Variants in VDAC1 observed in about 807,000 individuals in gnomAD.
The protein encoded by VDAC1 is voltage dependent anion channel 1.
VDAC1 carries 10 observed loss-of-function variants against 34.7 expected under a neutral mutation model. The ratio of observed to expected loss-of-function variants is 0.29; its 90% CI spans 0.18 to 0.49. The LOEUF is 0.49. Ranked by LOEUF, VDAC1 falls within the 20% of genes least tolerant of loss-of-function variation. VDAC1 has a pLI of 0.99. For synonymous variants in VDAC1, 130 were observed against 136.0 expected (o/e 0.96, Z 0.30); for missense variants, 230 against 347.9 (o/e 0.66, Z 2.69).
the VDAC1 span, among the ~76,000 whole-genome samples, chr5:134,099,713 T>A: frequency 6.6e-6 from 1 of 152,232 alleles, no homozygotes; most frequent in African/African-American, 2.4e-5. Context: ...CCCAAGTAGC[T>A]GGACTACAGG....
upstream of VDAC1, among the ~76,000 whole-genome samples, chr5:134,005,999 GA>G (rs954132801): frequency 3.9e-5 from 6 of 152,294 alleles, no homozygotes; most frequent in Admixed American, 1.3e-4. Flanking sequence ...TGGCTGCTGG[GA>G]AAAGGCGGCA....
At chr5:134,023,453 T>C in the VDAC1 span, among the ~76,000 whole-genome samples, 2 of 147,962 alleles carry the variant, frequency 1.4e-5, no homozygotes, top group African/African-American at 5.0e-5. Context: ...ACCTACATGT[T>C]CTGCACATGT....
chr5:133,981,095 C>A, intron 5 of VDAC1, 139 bp from the exon 6 acceptor site: 1 of 667,142 alleles, frequency 1.5e-6, no homozygotes, highest in South Asian at 2.0e-5. Flanking sequence ...TCCCTTAAGC[C>A]ACTGCTGTAC....
At chr5:134,056,241 C>CAAAAAAAAAAAAAAAAAAAAAAAA in the VDAC1 span, among the ~76,000 whole-genome samples, 1 of 111,200 alleles carries the variant, frequency 9.0e-6, no homozygotes, top group Non-Finnish European at 1.8e-5. Context: ...AACTCCGTCT[C>CAAAAAAAAAAAAAAAAAAAAAAAA]AAAAAAAAAA....
At chr5:134,039,951 T>A in the VDAC1 span, among the ~76,000 whole-genome samples, 1 of 152,252 alleles carries the variant, frequency 6.6e-6, no homozygotes, top group Admixed American at 6.5e-5. Context: ...CCCAAGCACC[T>A]ATGAGCTGTC....
intron 1 of VDAC1, among the ~76,000 whole-genome samples, chr5:133,994,101 A>G (rs2126985941): frequency 6.6e-6 from 1 of 152,318 alleles, no homozygotes; most frequent in Non-Finnish European, 1.5e-5. Context: ...TTACATGTAT[A>G]TATATTCACA....
At chr5:134,058,199 T>C in the VDAC1 span, among the ~76,000 whole-genome samples, 7 of 152,212 alleles carry the variant, frequency 4.6e-5, no homozygotes, top group African/African-American at 1.7e-4. Flanking sequence ...CTTCTCACTA[T>C]TTTGACTTCT....
At chr5:134,012,588 A>T in the VDAC1 span, among the ~76,000 whole-genome samples, 1 of 152,198 alleles carries the variant, frequency 6.6e-6, no homozygotes, top group Admixed American at 6.6e-5. Flanking sequence ...AGCATCATCT[A>T]TGTGACACAA....
chr5:134,080,613 T>TCACGGAGGTACA, the VDAC1 span, among the ~76,000 whole-genome samples: 1 of 152,318 alleles, frequency 6.6e-6, no homozygotes, highest in African/African-American at 2.4e-5. Context: ...GCAGGTTAAG[T>TCACGGAGGTACA]GTTGGGGCAC....
At chr5:133,993,829 C>A (rs931426834) in intron 1 of VDAC1, among the ~76,000 whole-genome samples, 4 of 152,156 alleles carry the variant, frequency 2.6e-5, no homozygotes, top group African/African-American at 9.7e-5. Flanking sequence ...ATAGTCTTTG[C>A]CCTAAGGACC....
At chr5:134,099,376 A>T in the VDAC1 span, among the ~76,000 whole-genome samples, 2 of 152,010 alleles carry the variant, frequency 1.3e-5, no homozygotes, top group Admixed American at 1.3e-4. Flanking sequence ...CCGTTTGGGG[A>T]TGCTAGAGGA....
At chr5:134,015,263 A>G in the VDAC1 span, among the ~76,000 whole-genome samples, 2 of 152,150 alleles carry the variant, frequency 1.3e-5, no homozygotes. Flanking sequence ...CCTGTTGGGT[A>G]CTATGCTCAA....
the VDAC1 span, among the ~76,000 whole-genome samples, chr5:134,063,890 T>TAGCACAATTAGAGCTCACTGCAGC: frequency 6.6e-6 from 1 of 152,036 alleles, no homozygotes; most frequent in Non-Finnish European, 1.5e-5. Flanking sequence ...TGAAGTGCAG[T>TAGCACAATTAGAGCTCACTGCAGC]AGCACAATTA....
At chr5:134,007,000 T>G (rs1379540196), upstream of VDAC1, among the ~76,000 whole-genome samples, 1 of 151,610 alleles carries the variant, frequency 6.6e-6, no homozygotes, top group Non-Finnish European at 1.5e-5. Context: ...TCCCAGCACT[T>G]TGGGAGGCTG....
At chr5:134,015,336 A>AT in the VDAC1 span, among the ~76,000 whole-genome samples, 1 of 152,188 alleles carries the variant, frequency 6.6e-6, no homozygotes, top group Non-Finnish European at 1.5e-5. Context: ...CCCTTGTAAC[A>AT]AATCTGCACA....
At chr5:133,973,223 G>C (rs745468948) in intron 8 of VDAC1, among the ~76,000 whole-genome samples, 8 of 152,100 alleles carry the variant, frequency 5.3e-5, no homozygotes, top group African/African-American at 7.2e-5. Flanking sequence ...TCCAACCTAA[G>C]GTCTTACATG....
intron 1 of VDAC1, 106 bp from the exon 2 acceptor site, chr5:133,993,124 G>T: frequency 8.6e-7 from 1 of 1,156,526 alleles, no homozygotes; most frequent in Non-Finnish European, 1.2e-6. Context: ...AAATCACCTA[G>T]CACTAAGACT....
At chr5:134,039,448 C>T in the VDAC1 span, among the ~76,000 whole-genome samples, 1 of 152,194 alleles carries the variant, frequency 6.6e-6, no homozygotes, top group African/African-American at 2.4e-5. Flanking sequence ...CCCGCCTCAG[C>T]CTTCTGAGTA....
At chr5:134,101,671 C>T in the VDAC1 span, among the ~76,000 whole-genome samples, 1 of 152,124 alleles carries the variant, frequency 6.6e-6, no homozygotes, top group Non-Finnish European at 1.5e-5. Flanking sequence ...ATTGTTATTG[C>T]TATTATCCCA....
Sources: allele counts gnomAD v4.1 joint callset (sites outside exome capture counted in the v4.1 genomes callset), GRCh38; gene constraint gnomAD v4.1.1; transcripts MANE v1.5; gene names NCBI Gene and HGNC (gene_info 2026-07-23, HGNC 2026-07-21).